RAB39A: variants seen among roughly 807,000 people sequenced by gnomAD.
RAB39A encodes the protein ras-related protein Rab-39A.
In RAB39A, 17 loss-of-function variants were observed where a neutral mutation model predicts 20.9. That is an observed-to-expected ratio of 0.81 (90% CI 0.56 to 1.22). RAB39A has a LOEUF of 1.22. Ranked by LOEUF, RAB39A falls within the 50% of genes most tolerant of loss-of-function variation. RAB39A has a pLI of 0.00. For missense variants in RAB39A, 234 were observed against 270.5 expected, an observed-to-expected ratio of 0.87 and a Z score of 0.95; for synonymous variants, 99 against 103.4, an observed-to-expected ratio of 0.96 and a Z score of 0.26.
At chr11:107,946,971 G>A (rs1431065111) in intron 1 of RAB39A, among the ~76,000 whole-genome samples, 2 of 151,886 alleles carry the variant, frequency 1.3e-5, no homozygotes, top group Non-Finnish European at 2.9e-5. Flanking sequence ...CCAGGAGGCG[G>A]AGGTTGCTGT....
chr11:107,961,648 T>C (rs1861496512), intron 1 of RAB39A, among the ~76,000 whole-genome samples: 1 of 151,990 alleles, frequency 6.6e-6, no homozygotes, highest in Admixed American at 6.5e-5. Flanking sequence ...GATGTAATAA[T>C]CTATCAGATT....
At chr11:107,954,216 A>G (rs1804203400) in intron 1 of RAB39A, among the ~76,000 whole-genome samples, 1 of 152,230 alleles carries the variant, frequency 6.6e-6, no homozygotes, top group Non-Finnish European at 1.5e-5. Context: ...CAACCTAGGT[A>G]AGATTAAGTC....
intron 1 of RAB39A, among the ~76,000 whole-genome samples, chr11:107,951,615 A>ATTTTTTTTTT (rs4028253): frequency 1.9e-5 from 2 of 105,700 alleles, no homozygotes; most frequent in African/African-American, 3.7e-5. Flanking sequence ...CCATTTTCAG[A>ATTTTTTTTTT]TTTTTTTTTT....
intron 1 of RAB39A, among the ~76,000 whole-genome samples, chr11:107,936,948 C>T (rs1020901677): frequency 1.7e-4 from 24 of 142,602 alleles, no homozygotes; most frequent in African/African-American, 6.1e-4. Flanking sequence ...AAAAAAAAAA[C>T]AAATGAAGAA....
At chr11:107,935,768 A>G (rs1170471205) in intron 1 of RAB39A, among the ~76,000 whole-genome samples, 1 of 152,026 alleles carries the variant, frequency 6.6e-6, no homozygotes, top group Non-Finnish European at 1.5e-5. Context: ...TTCTCCAGAT[A>G]TTGGAATATC....
At chr11:107,955,636 C>T (rs1453409885) in intron 1 of RAB39A, among the ~76,000 whole-genome samples, 1 of 152,056 alleles carries the variant, frequency 6.6e-6, no homozygotes, top group Non-Finnish European at 1.5e-5. Context: ...GTTGGGAGGT[C>T]GAGACCAGCC....
intron 1 of RAB39A, among the ~76,000 whole-genome samples, chr11:107,940,865 C>T (rs1861251665): frequency 1.3e-5 from 2 of 151,846 alleles, no homozygotes; most frequent in South Asian, 4.2e-4. Context: ...CCCAGCTACT[C>T]AGGAGGCTGA....
intron 1 of RAB39A, among the ~76,000 whole-genome samples, chr11:107,941,381 G>A: frequency 6.6e-6 from 1 of 152,048 alleles, no homozygotes; most frequent in East Asian, 1.9e-4. Flanking sequence ...TAAATTTTAG[G>A]AATATATTTG....
intron 1 of RAB39A, among the ~76,000 whole-genome samples, chr11:107,956,492 A>G (rs904249463): frequency 1.3e-5 from 2 of 152,164 alleles, no homozygotes; most frequent in Non-Finnish European, 2.9e-5. Flanking sequence ...CCTAAGAAAC[A>G]TACTCTAGCC....
chr11:107,928,826 C>G lies in RAB39A; in HGVS notation c.227+31C>G, dbSNP rs1323939354. The stretch of plus-strand genomic sequence containing the variant: ...GACCCCGGGGACCTTGGGCACCGCG[C>G]CGCCCCCTCAGCCCGCCCGGACGCC... On this transcript the variant is annotated intron_variant, in intron 1 of 1. Transcript: ENST00000320578. This position sits in a 1 kb window ranked among gnomAD's most constrained non-coding sequence, Gnocchi z 4.9. 20 of 1,475,152 alleles carry G rather than the reference C, an allele frequency of 1.4e-5. No homozygotes were observed. The highest frequency in any genetic ancestry group is 1.6e-5 in the Non-Finnish European group (18 of 1,096,052). The allele number at this position is 1,475,152 out of a possible 1,614,324, so 91.4% of individuals were successfully genotyped here. A position where few individuals can be genotyped will look rare whatever the true frequency, so the allele number is the denominator to read the frequency against.
chr11:107,942,622 G>C, intron 1 of RAB39A, among the ~76,000 whole-genome samples: 1 of 152,076 alleles, frequency 6.6e-6, no homozygotes, highest in Non-Finnish European at 1.5e-5. Flanking sequence ...CCAACACTCA[G>C]CCTCATTTCT....
At chr11:107,931,282 A>G (rs1316006518) in intron 1 of RAB39A, among the ~76,000 whole-genome samples, 1 of 152,172 alleles carries the variant, frequency 6.6e-6, no homozygotes, top group African/African-American at 2.4e-5. Context: ...CCTGGCCTAG[A>G]TGATTGTTTT....
In RAB39A at chr11:107,928,525, G is replaced by C. The variant is rs756556771; in HGVS notation, c.-44G>C. The C allele has an allele frequency of 7.2e-7, 1 of 1,382,746 alleles. No homozygotes were observed. Among genetic ancestry groups the C allele is most frequent in the Non-Finnish European group, 9.6e-7 (1 of 1,044,088 alleles). 85.7% of individuals were successfully genotyped at this position (1,382,746 alleles called of 1,614,324 possible). A position where few individuals can be genotyped will look rare whatever the true frequency, so the allele number is the denominator to read the frequency against. On this transcript the variant is annotated 5_prime_UTR_variant, in exon 1 of 2. Coordinates refer to ENST00000320578, the MANE Select transcript of RAB39A (RefSeq NM_017516.3). The surrounding 1 kb of genome is among the most constrained non-coding windows in gnomAD (Gnocchi z 4.9). ...AGGACAGTTCCCGCCGCCGAACTTAGCCCGCGGGTGGGGCGGCCCGGGAGC... is the reference window on the plus strand; with the variant it reads ...AGGACAGTTCCCGCCGCCGAACTTACCCCGCGGGTGGGGCGGCCCGGGAGC...
At chr11:107,950,072 C>T (rs975529757) in intron 1 of RAB39A, among the ~76,000 whole-genome samples, 5 of 151,574 alleles carry the variant, frequency 3.3e-5, no homozygotes, top group South Asian at 2.1e-4. Flanking sequence ...CCCAGCTACT[C>T]GGGAGGCTGA....
chr11:107,940,415 C>T (rs1396903219), intron 1 of RAB39A, among the ~76,000 whole-genome samples: 1 of 151,916 alleles, frequency 6.6e-6, no homozygotes, highest in African/African-American at 2.4e-5. Flanking sequence ...AGGCGCACGC[C>T]ACCACGCCTG....
At chr11:107,961,237 G>A (rs1358315474) in intron 1 of RAB39A, among the ~76,000 whole-genome samples, 2 of 152,170 alleles carry the variant, frequency 1.3e-5, no homozygotes, top group East Asian at 1.9e-4. Flanking sequence ...GGGAGATCCT[G>A]GTGCCAGCAT....
intron 1 of RAB39A, among the ~76,000 whole-genome samples, chr11:107,955,025 C>G (rs1214537099): frequency 4.3e-5 from 5 of 115,110 alleles, no homozygotes; most frequent in African/African-American, 1.7e-4. Flanking sequence ...GAGACAGAGT[C>G]TCGTTCTGTC....
At position 107,962,972 on chromosome 11, in the gene RAB39A, A is replaced by G. The variant is rs1171029393; in HGVS notation, c.*600A>G. On this transcript the variant is annotated 3_prime_UTR_variant, in exon 2 of 2. Transcript: ENST00000320578. ...AATTTATTGCTTCTAAAAATGCATT[A>G]TGTTTTACAAAGATATCTAAGGATC... 1 of 152,160 alleles carries G rather than the reference A, an allele frequency of 6.6e-6. No homozygotes were observed. Among genetic ancestry groups the G allele is most frequent in the Non-Finnish European group, 1.5e-5 (1 of 68,024 alleles). 9.4% of individuals were successfully genotyped at this position (152,160 alleles called of 1,614,324 possible). A position where few individuals can be genotyped will look rare whatever the true frequency, so the allele number is the denominator to read the frequency against.
chr11:107,943,367 T>G (rs1385830561), intron 1 of RAB39A, among the ~76,000 whole-genome samples: 4 of 151,900 alleles, frequency 2.6e-5, no homozygotes, highest in Admixed American at 2.6e-4. Flanking sequence ...GTCAGGAGAT[T>G]GAGACCATCC....
Sources: gnomAD v4.1 joint callset for allele counts (sites outside exome capture counted in the v4.1 genomes callset) on GRCh38, gnomAD v4.1.1 for gene constraint, Gnocchi (gnomAD v3.1) non-coding constraint, MANE v1.5 for transcripts, NCBI Gene and HGNC (gene_info 2026-07-23, HGNC 2026-07-21) for gene names.